The following MARK3 variants were observed in gnomAD, a reference collection of about 807,000 sequenced individuals.
MARK3 encodes the protein MAP/microtubule affinity-regulating kinase 3.
Under a neutral mutation model 90.1 loss-of-function variants are expected in MARK3, and 46 were observed. The ratio of observed to expected loss-of-function variants is 0.51; its 90% CI spans 0.40 to 0.65. The LOEUF is 0.65. Ranked by LOEUF, MARK3 falls within the 30% of genes least tolerant of loss-of-function variation. MARK3 has a pLI of 0.00. For synonymous variants in MARK3, 321 were observed against 332.6 expected, an observed-to-expected ratio of 0.97 and a Z score of 0.38; for missense variants, 818 against 947.2, an observed-to-expected ratio of 0.86 and a Z score of 1.79.
chr14:103,498,208 TAA>T (rs35854622), intron 15 of MARK3, among the ~76,000 whole-genome samples: 259 of 146,810 alleles, frequency 1.8e-3, no homozygotes, highest in Non-Finnish European at 2.0e-3. Context: ...ACTCTGTCTT[TAA>T]AAAAAAAAAA....
intron 8 of MARK3, 57 bp downstream of exon 8, chr14:103,465,850 C>T (rs1420287351): frequency 1.9e-6 from 3 of 1,544,986 alleles, no homozygotes; most frequent in African/African-American, 1.4e-5. Flanking sequence ...CCTAATATTA[C>T]ATGGCTTAAT....
intron 1 of MARK3, among the ~76,000 whole-genome samples, chr14:103,390,943 T>C (rs751320037): frequency 6.6e-6 from 1 of 152,166 alleles, no homozygotes; most frequent in Non-Finnish European, 1.5e-5. Context: ...ACTCCTGGGC[T>C]CAAGCAGGCC....
chr14:103,434,360 G>A (rs995508826), intron 3 of MARK3, among the ~76,000 whole-genome samples: 6 of 152,178 alleles, frequency 3.9e-5, no homozygotes, highest in African/African-American at 7.2e-5. Context: ...TTCCGTGACC[G>A]GGCTAAGTAT....
At chr14:103,422,032 T>C (rs2092241482) in intron 2 of MARK3, among the ~76,000 whole-genome samples, 1 of 152,260 alleles carries the variant, frequency 6.6e-6, no homozygotes, top group South Asian at 2.1e-4. Context: ...GATTCTTTAG[T>C]CTTTTAAATG....
In MARK3 at chr14:103,474,894, G is replaced by T. The variant is rs1456895276; in HGVS notation, c.1265-99G>T. On this transcript the variant is annotated intron_variant, in intron 12 of 17. Transcript: ENST00000429436. ...TTTTACTGTTTTACATTTTTTAGGT[G>T]AATAGCAACCTTAGATCATCTTACA... The T allele has an allele frequency of 3.4e-6, 3 of 890,736 alleles. No homozygotes were observed. The African/African-American group carries it at 5.1e-5, about 15-fold the overall frequency. 55.2% of individuals were successfully genotyped at this position (890,736 alleles called of 1,614,324 possible). A position where few individuals can be genotyped will look rare whatever the true frequency, so the allele number is the denominator to read the frequency against.
At chr14:103,439,767 A>G (rs911665870) in intron 3 of MARK3, among the ~76,000 whole-genome samples, 1 of 151,834 alleles carries the variant, frequency 6.6e-6, no homozygotes, top group East Asian at 2.0e-4. Context: ...GTATTCTCCT[A>G]TTGGCTTTTG....
intron 5 of MARK3, 113 bp downstream of exon 5, chr14:103,452,096 A>G: frequency 7.6e-6 from 5 of 661,180 alleles, no homozygotes; most frequent in Admixed American, 2.9e-5. Context: ...GTCCAGAGCC[A>G]TAATACGCTA....
chr14:103,454,194 A>G (rs569221232), intron 5 of MARK3, among the ~76,000 whole-genome samples: 30 of 152,030 alleles, frequency 2.0e-4, no homozygotes, highest in African/African-American at 7.2e-4. Flanking sequence ...GCACTTGGCA[A>G]CATTGTAAGA....
chr14:103,479,922 G>A (rs1595880572), intron 13 of MARK3, among the ~76,000 whole-genome samples: 1 of 152,196 alleles, frequency 6.6e-6, no homozygotes, highest in Middle Eastern at 3.4e-3. Context: ...TTACAGGTGT[G>A]AGCTACCGCG....
At chr14:103,393,814 C>T (rs1309398193) in intron 1 of MARK3, among the ~76,000 whole-genome samples, 1 of 150,398 alleles carries the variant, frequency 6.6e-6, no homozygotes, top group Non-Finnish European at 1.5e-5. Flanking sequence ...GGCTGGAGTG[C>T]AATCTCGTGA....
intron 3 of MARK3, among the ~76,000 whole-genome samples, chr14:103,441,721 G>A (rs980683870): frequency 1.3e-5 from 2 of 152,092 alleles, no homozygotes; most frequent in African/African-American, 2.4e-5. Context: ...CAGTTTCATG[G>A]TTTTTCGTAT....
At chr14:103,391,932 A>G (rs1215684662) in intron 1 of MARK3, among the ~76,000 whole-genome samples, 3 of 152,158 alleles carry the variant, frequency 2.0e-5, no homozygotes, top group African/African-American at 7.2e-5. Context: ...AGCCACGGAT[A>G]CATCCTTTTT....
intron 3 of MARK3, among the ~76,000 whole-genome samples, chr14:103,432,715 G>T (rs2092617354): frequency 1.3e-5 from 2 of 152,090 alleles, no homozygotes. Context: ...AATTAACCAG[G>T]TGTGGTGGTG....
chr14:103,402,036 A>C (rs902687616), intron 1 of MARK3, among the ~76,000 whole-genome samples: 1 of 152,202 alleles, frequency 6.6e-6, no homozygotes, highest in African/African-American at 2.4e-5. Flanking sequence ...AGAAGAGATG[A>C]GCGGGCCTTG....
At chr14:103,432,565 G>A (rs1181836418) in intron 3 of MARK3, among the ~76,000 whole-genome samples, 2 of 152,058 alleles carry the variant, frequency 1.3e-5, no homozygotes, top group Non-Finnish European at 2.9e-5. Flanking sequence ...AGAAGGCTGA[G>A]GCAGGCCCGG....
intron 1 of MARK3, among the ~76,000 whole-genome samples, chr14:103,389,740 TC>T (rs1026208845): frequency 1.3e-5 from 2 of 149,954 alleles, no homozygotes; most frequent in Non-Finnish European, 3.0e-5. Flanking sequence ...GGTCAGGAGT[TC>T]GAGACCAGCC....
intron 2 of MARK3, among the ~76,000 whole-genome samples, chr14:103,420,653 A>G (rs923389793): frequency 1.3e-5 from 2 of 152,166 alleles, no homozygotes; most frequent in Non-Finnish European, 2.9e-5. Context: ...CATCACCACT[A>G]TTCATTTCCA....
chr14:103,463,509 T>G (rs2093441622), intron 7 of MARK3, among the ~76,000 whole-genome samples: 1 of 152,180 alleles, frequency 6.6e-6, no homozygotes, highest in African/African-American at 2.4e-5. Context: ...AATGTTCACT[T>G]CTCATTCAGG....
At chr14:103,404,262 C>G (rs749413275) in intron 1 of MARK3, among the ~76,000 whole-genome samples, 1 of 152,024 alleles carries the variant, frequency 6.6e-6, no homozygotes, top group Non-Finnish European at 1.5e-5. Flanking sequence ...AAAAGAGAAA[C>G]GTGTAAAGGG....
Sources: allele counts gnomAD v4.1 joint callset (sites outside exome capture counted in the v4.1 genomes callset), GRCh38; gene constraint gnomAD v4.1.1; transcripts MANE v1.5; gene names NCBI Gene and HGNC (gene_info 2026-07-23, HGNC 2026-07-21).